DOT1L: variants seen among roughly 807,000 people sequenced by gnomAD.
DOT1L encodes histone-lysine N-methyltransferase, H3 lysine-79 specific.
Under a neutral mutation model 153.3 loss-of-function variants are expected in DOT1L, and 33 were observed. The observed-to-expected ratio is 0.22, with a 90% confidence interval of 0.16 to 0.29. The LOEUF (loss-of-function observed/expected upper bound fraction) is 0.29, where lower values mean the gene tolerates loss of function less well. Ranked by LOEUF, DOT1L falls within the 10% of genes least tolerant of loss-of-function variation. DOT1L has a pLI of 1.00. For synonymous variants in DOT1L, 1,135 were observed against 965.1 expected (o/e 1.18, Z -3.26); for missense variants, 1,847 against 2,119.9 (o/e 0.87, Z 2.53).
chr19:2,215,499 G>A (rs1218293506), intron 19 of DOT1L: 3 of 152,368 alleles, frequency 2.0e-5, no homozygotes, highest in Non-Finnish European at 4.4e-5. Context: ...CTCACCTTAC[G>A]TGTCCCCAGC....
At chr19:2,192,851 C>G (rs1176480185) in intron 5 of DOT1L, among the ~76,000 whole-genome samples, 4 of 152,070 alleles carry the variant, frequency 2.6e-5, no homozygotes, top group Admixed American at 1.3e-4. Flanking sequence ...GACCCTGTCT[C>G]AAAAACAAAA....
At chr19:2,223,514 G>C (rs1187026670) in intron 25 of DOT1L, 28 bp downstream of exon 25, 3 of 1,540,900 alleles carry the variant, frequency 1.9e-6, no homozygotes, top group East Asian at 2.5e-5. Context: ...GAGGGGGGCG[G>C]GGCCTGGCAG....
In DOT1L at chr19:2,191,871, G is replaced by A. The variant is rs569160948; in HGVS notation, c.493+631G>A. Among the ~76,000 whole-genome samples the A allele has an allele frequency of 6.6e-6, 1 of 152,320 alleles. No homozygotes were observed. The highest frequency in any genetic ancestry group is 6.5e-5 in the Admixed American group (1 of 15,300). On this transcript the variant is annotated intron_variant, in intron 5 of 27. Transcript: ENST00000398665. This position sits in a 1 kb window ranked among gnomAD's most constrained non-coding sequence, Gnocchi z 6.8. The stretch of plus-strand genomic sequence containing the variant: ...AGGTGTCGTCTCCTCTCAACCACGG[G>A]CGGGGCTCCTTGAAACGAGGCCCTA...
chr19:2,202,844 C>T (rs1384065176), intron 9 of DOT1L, 65 bp downstream of exon 9: 7 of 1,554,474 alleles, frequency 4.5e-6, no homozygotes, highest in Non-Finnish European at 6.2e-6. Flanking sequence ...GCCAGGAGGT[C>T]CCCGCAGGGT....
At position 2,232,083 on chromosome 19, in the gene DOT1L, G is replaced by A. The variant is rs897128842; in HGVS notation, c.*2291G>A. The stretch of plus-strand genomic sequence containing the variant: ...GGTGGCAGGGTGGCTGTGGAGACTG[G>A]GGATCTGGAGCCTGGTGCTGGCACC... On this transcript the variant is annotated 3_prime_UTR_variant, in exon 28 of 28. Coordinates refer to ENST00000398665, the MANE Select transcript of DOT1L (RefSeq NM_032482.3). The A allele has an allele frequency of 4.6e-6, 1 of 215,986 alleles. No homozygotes were observed. The allele number at this position is 215,986 out of a possible 1,614,324, so 13.4% of individuals were successfully genotyped here.
At chr19:2,182,745 C>T (rs1241536862) in intron 2 of DOT1L, among the ~76,000 whole-genome samples, 1 of 152,164 alleles carries the variant, frequency 6.6e-6, no homozygotes, top group Admixed American at 6.5e-5. Flanking sequence ...GGGGCCTGCA[C>T]AGACTTCTGG....
At chr19:2,227,831 G>A (rs924791581) in intron 27 of DOT1L, 25 of 1,293,908 alleles carry the variant, frequency 1.9e-5, no homozygotes, top group Non-Finnish European at 2.3e-5. Flanking sequence ...CACTGGGCCC[G>A]AGCCCGCTGC....
intron 25 of DOT1L, among the ~76,000 whole-genome samples, chr19:2,224,358 G>A (rs2024242771): frequency 6.6e-6 from 1 of 152,120 alleles, no homozygotes. Context: ...GGTGCACGAG[G>A]GTCTGAGGTC....
intron 23 of DOT1L, 173 bp from the exon 24 acceptor site, chr19:2,221,803 C>G (rs2024126571): frequency 3.0e-6 from 2 of 674,656 alleles, no homozygotes; most frequent in Non-Finnish European, 4.9e-6. Flanking sequence ...TTGAGCTTGC[C>G]CACAGAGCCT....
At chr19:2,187,923 GAAAA>G (rs11453591) in intron 3 of DOT1L, among the ~76,000 whole-genome samples, 1 of 130,952 alleles carries the variant, frequency 7.6e-6, no homozygotes, top group Non-Finnish European at 1.6e-5. Context: ...CTCCATCTCA[GAAAA>G]AAAAAAAAAA....
chr19:2,176,799 G>A (rs926706769), intron 1 of DOT1L, among the ~76,000 whole-genome samples: 3 of 152,248 alleles, frequency 2.0e-5, no homozygotes, highest in Admixed American at 2.0e-4. Context: ...AGGCGAGGCA[G>A]GGCCCTCTGT....
In DOT1L at chr19:2,172,373, C is replaced by T. The variant is rs542052532; in HGVS notation, c.81+8108C>T. On this transcript the variant is annotated intron_variant, in intron 1 of 27. Coordinates refer to ENST00000398665, the MANE Select transcript of DOT1L (RefSeq NM_032482.3). The stretch of plus-strand genomic sequence containing the variant: ...CCCAGCTAATTTTTTGTATTTTTAG[C>T]AGAGATGGGGTTTCACCATGTTAGC... Among the ~76,000 whole-genome samples, 553 of 151,070 alleles carry T rather than the reference C, an allele frequency of 3.7e-3. 3 individuals carry two copies. The highest frequency in any genetic ancestry group is 0.011 in the African/African-American group (440 of 41,200).
At chr19:2,210,597 C>T in intron 13 of DOT1L, 24 bp from the exon 14 acceptor site, 3 of 1,608,358 alleles carry the variant, frequency 1.9e-6, no homozygotes, top group Non-Finnish European at 2.5e-6. Flanking sequence ...GTGCCCATCC[C>T]TGTTCTTCCC....
intron 15 of DOT1L, 62 bp from the exon 16 acceptor site, chr19:2,211,689 C>T (rs2023720934): frequency 2.8e-6 from 4 of 1,435,626 alleles, no homozygotes; most frequent in Non-Finnish European, 3.8e-6. Context: ...AGGGCTGCTC[C>T]CACCTCTTCC....
chr19:2,196,851 C>T (rs988378864), intron 7 of DOT1L, among the ~76,000 whole-genome samples: 2 of 152,200 alleles, frequency 1.3e-5, no homozygotes, highest in African/African-American at 2.4e-5. Context: ...ACGGTGTTAG[C>T]GGCGGGCTCG....
chr19:2,199,470 A>G (rs907049384), intron 7 of DOT1L, among the ~76,000 whole-genome samples: 2 of 152,176 alleles, frequency 1.3e-5, no homozygotes, highest in African/African-American at 4.8e-5. Flanking sequence ...GGAGCCCAGC[A>G]TGGTGGGGAC....
At chr19:2,216,113 C>G in intron 19 of DOT1L, 168 bp from the exon 20 acceptor site, 1 of 944,406 alleles carries the variant, frequency 1.1e-6, no homozygotes, top group Non-Finnish European at 1.5e-6. Context: ...TTATTTGACG[C>G]CCCCAGCTTC....
At chr19:2,221,561 T>G (rs1599613031) in intron 23 of DOT1L, 1 of 189,496 alleles carries the variant, frequency 5.3e-6, no homozygotes, top group South Asian at 1.8e-4. Flanking sequence ...TAGCTTGGAG[T>G]ATCCAAGCTG....
intron 2 of DOT1L, among the ~76,000 whole-genome samples, chr19:2,181,806 C>T (rs1357408895): frequency 6.6e-6 from 1 of 151,890 alleles, no homozygotes; most frequent in African/African-American, 2.4e-5. Context: ...AGCCCAGCTG[C>T]AGCATGCTTC....
Sources: allele counts gnomAD v4.1 joint callset (sites outside exome capture counted in the v4.1 genomes callset), GRCh38; gene constraint gnomAD v4.1.1; non-coding constraint Gnocchi (gnomAD v3.1); transcripts MANE v1.5; gene names NCBI Gene and HGNC (gene_info 2026-07-23, HGNC 2026-07-21).